The following TMPRSS11B variants were observed in gnomAD, a reference collection of about 807,000 sequenced individuals.
TMPRSS11B encodes transmembrane serine protease 11B.
TMPRSS11B carries 53 observed loss-of-function variants against 44.7 expected under a neutral mutation model. The observed-to-expected ratio is 1.19, with a 90% CI of 0.95 to 1.49. TMPRSS11B has a LOEUF of 1.49. TMPRSS11B is among the 40% of genes most tolerant of loss of function. The pLI is 0.00. For missense variants in TMPRSS11B, 526 were observed against 494.8 expected (o/e 1.06, Z -0.60); for synonymous variants, 140 against 159.2 (o/e 0.88, Z 0.91).
chr4:68,236,088 C>A lies in TMPRSS11B; in HGVS notation c.241-19G>T. ...TTAACATCTGACAAGAGAAAAAAAA[C>A]AGTCATCATGTATGTTTCAATCAAA... On this transcript the variant is annotated intron_variant, in intron 3 of 9. Transcript: ENST00000332644. 2.5e-6 allele frequency: 4 copies of A among 1,575,166 alleles called. No individual in the cohort carries two copies. Among genetic ancestry groups the A allele is most frequent in the Admixed American group, 1.8e-5 (1 of 56,304 alleles).
chr4:68,238,254 A>T (rs1308651245), intron 2 of TMPRSS11B, among the ~76,000 whole-genome samples: 3 of 152,258 alleles, frequency 2.0e-5, no homozygotes, highest in Non-Finnish European at 4.4e-5. Context: ...ATAGATTCTT[A>T]TATTTTTCCT....
Position 68,242,381 on chromosome 4 carries a change from T to G in TMPRSS11B, c.9-577A>C, listed in dbSNP as rs1316202836. Among the ~76,000 whole-genome samples the G allele has an allele frequency of 4.8e-5, 4 of 83,844 alleles. No homozygotes were observed. The East Asian group carries it at 1.3e-3, about 26-fold the overall frequency. 55.0% of individuals were successfully genotyped at this position (83,844 alleles called of 152,430 possible). On this transcript the variant is annotated intron_variant, in intron 1 of 9. Transcript: ENST00000332644. ...ATTATATTATATATAATATTATATA[T>G]ATAATATATAATATATTATGTATTA... is the stretch of plus-strand genomic sequence containing the variant.
intron 2 of TMPRSS11B, among the ~76,000 whole-genome samples, chr4:68,240,642 T>C (rs1719798226): frequency 6.6e-6 from 1 of 152,150 alleles, no homozygotes; most frequent in Non-Finnish European, 1.5e-5. Flanking sequence ...ATGTGAAGAA[T>C]GTTATTTTTT....
rs1560445145 is a variant in TMPRSS11B at position 68,241,812 on chromosome 4, A to AGAG, written c.9-11_9-9dup. 2 of 1,596,208 alleles carry AGAG rather than the reference A, an allele frequency of 1.3e-6. No homozygotes were observed. Among genetic ancestry groups the AGAG allele is most frequent in the African/African-American group, 1.3e-5 (1 of 74,572 alleles). Reference sequence around the variant, plus strand: ...TGGGAAGATATGCCGTGCCTATGAAAGAGGAAAATTTTGGTTCAAATCAGA... The same window carrying AGAG: ...TGGGAAGATATGCCGTGCCTATGAAAGAGGAGGAAAATTTTGGTTCAAATCAGA... On this transcript the variant is annotated splice_polypyrimidine_tract_variant and intron_variant, in intron 1 of 9. Transcript: ENST00000332644.
At chr4:68,241,619 T>A (rs1719823273) in intron 2 of TMPRSS11B, 70 bp downstream of exon 2, 1 of 935,656 alleles carries the variant, frequency 1.1e-6, no homozygotes, top group African/African-American at 1.7e-5. Flanking sequence ...ATGTTCATGT[T>A]GTTTTTTTTC....
intron 4 of TMPRSS11B, among the ~76,000 whole-genome samples, chr4:68,235,016 G>A (rs1035904672): frequency 6.6e-6 from 1 of 152,142 alleles, no homozygotes; most frequent in Non-Finnish European, 1.5e-5. Flanking sequence ...GGGCAGGGAA[G>A]CATTCAAAAG....
intron 7 of TMPRSS11B, among the ~76,000 whole-genome samples, chr4:68,230,735 CAG>C (rs1370161027): frequency 6.6e-6 from 1 of 150,386 alleles, no homozygotes; most frequent in Non-Finnish European, 1.5e-5. Flanking sequence ...ACCCAGGAGG[CAG>C]AGTTTGCAGT....
Position 68,241,822 on chromosome 4 carries a change from T to C in TMPRSS11B, c.9-18A>G. ...TGCCGTGCCTATGAAAGAGGAAAAT[T>C]TTGGTTCAAATCAGATAATAACAAT... On this transcript the variant is annotated intron_variant, in intron 1 of 9. Transcript: ENST00000332644. 6.4e-7 allele frequency: 1 copy of C among 1,553,336 alleles called. No individual in the cohort carries two copies. Among genetic ancestry groups the C allele is most frequent in the Non-Finnish European group, 8.9e-7 (1 of 1,125,444 alleles).
At chr4:68,232,469 A>G in intron 5 of TMPRSS11B, 53 bp from the exon 6 acceptor site, 1 of 1,520,352 alleles carries the variant, frequency 6.6e-7, no homozygotes. Context: ...TCACCAAGCA[A>G]TTGACTTCAA....
In TMPRSS11B at chr4:68,229,196, T is replaced by C. The variant is rs1396412337; in HGVS notation, c.946+61A>G. 1.6e-4 allele frequency: 216 copies of C among 1,318,154 alleles called. 1 individual carries two copies. The highest frequency in any genetic ancestry group is 2.2e-4 in the Non-Finnish European group (211 of 980,284). The allele number at this position is 1,318,154 out of a possible 1,614,324, so 81.7% of individuals were successfully genotyped here. A position where few individuals can be genotyped will look rare whatever the true frequency, so the allele number is the denominator to read the frequency against. ...CATGAGGGGATGATTGATTGATTGA[T>C]TGATTGATTGATTAAATAGTTATTC... On this transcript the variant is annotated intron_variant, in intron 8 of 9. Transcript: ENST00000332644.
rs1719367659 is a variant in TMPRSS11B, at chr4:68,226,952, C to A, written c.*959G>T. The A allele has an allele frequency of 6.6e-6, 1 of 152,176 alleles. No homozygotes were observed. Among genetic ancestry groups the A allele is most frequent in the South Asian group, 2.1e-4 (1 of 4,826 alleles). 9.4% of individuals were successfully genotyped at this position (152,176 alleles called of 1,614,324 possible). ...TTAATTCCTGACAAATTTTGGATGT[C>A]AACTCAATGAGGACAAATTTGTGTA... is the stretch of plus-strand genomic sequence containing the variant. On this transcript the variant is annotated 3_prime_UTR_variant, in exon 10 of 10. Transcript: ENST00000332644.
intron 9 of TMPRSS11B, among the ~76,000 whole-genome samples, chr4:68,228,415 T>C (rs1415496308): frequency 6.6e-6 from 1 of 152,210 alleles, no homozygotes; most frequent in African/African-American, 2.4e-5. Flanking sequence ...AGACTCCTGA[T>C]GCATCTCTGG....
At chr4:68,244,939 A>G (rs1281504940) in intron 1 of TMPRSS11B, among the ~76,000 whole-genome samples, 2 of 152,166 alleles carry the variant, frequency 1.3e-5, no homozygotes, top group Non-Finnish European at 2.9e-5. Context: ...AGAAAACTTT[A>G]AATCATTAGG....
chr4:68,231,114 G>T, intron 7 of TMPRSS11B, 89 bp downstream of exon 7: 1 of 1,156,290 alleles, frequency 8.6e-7, no homozygotes, highest in Non-Finnish European at 1.1e-6. Context: ...TGGCCTTGGT[G>T]AACCTTGACA....
At chr4:68,231,617 T>G (rs748664979) in intron 6 of TMPRSS11B, among the ~76,000 whole-genome samples, 4 of 152,182 alleles carry the variant, frequency 2.6e-5, no homozygotes, top group African/African-American at 4.8e-5. Flanking sequence ...TTTTGTTGTG[T>G]CTATGTGTTA....
At chr4:68,244,149 C>G (rs950401634) in intron 1 of TMPRSS11B, among the ~76,000 whole-genome samples, 8 of 152,152 alleles carry the variant, frequency 5.3e-5, no homozygotes, top group African/African-American at 1.9e-4. Context: ...ACAATTTACT[C>G]TCATTTACCA....
chr4:68,230,021 T>C (rs958457260), intron 7 of TMPRSS11B, among the ~76,000 whole-genome samples: 5 of 152,206 alleles, frequency 3.3e-5, no homozygotes, highest in Non-Finnish European at 7.3e-5. Context: ...TATTTAGTTT[T>C]CTGTTCCAGC....
chr4:68,240,106 A>G (rs1170243843), intron 2 of TMPRSS11B, among the ~76,000 whole-genome samples: 1 of 152,232 alleles, frequency 6.6e-6, no homozygotes, highest in African/African-American at 2.4e-5. Context: ...TAATAGATGT[A>G]TTTAGACAGG....
At chr4:68,231,165 A>C in intron 7 of TMPRSS11B, 38 bp downstream of exon 7, 1 of 1,566,986 alleles carries the variant, frequency 6.4e-7, no homozygotes, top group Non-Finnish European at 8.7e-7. Context: ...ATAGTTTTGC[A>C]CCTAGCATCC....
Sources: gnomAD v4.1 joint callset for allele counts (sites outside exome capture counted in the v4.1 genomes callset) on GRCh38, gnomAD v4.1.1 for gene constraint, MANE v1.5 for transcripts, NCBI Gene and HGNC (gene_info 2026-07-23, HGNC 2026-07-21) for gene names.